Variants in SIM2 observed in about 807,000 individuals in gnomAD.
SIM2 encodes the protein SIM bHLH transcription factor 2, also known as single-minded homolog 2.
Under a neutral mutation model 64.8 loss-of-function variants are expected in SIM2, and 28 were observed. The ratio of observed to expected loss-of-function variants is 0.43; its 90% confidence interval spans 0.32 to 0.59. The LOEUF (loss-of-function observed/expected upper bound fraction) is 0.59. Ranked by LOEUF, SIM2 falls within the 20% of genes least tolerant of loss-of-function variation. The pLI is 0.07. For missense variants in SIM2, 847 were observed against 871.4 expected, an observed-to-expected ratio of 0.97 and a Z score of 0.35; for synonymous variants, 408 against 391.1, an observed-to-expected ratio of 1.04 and a Z score of -0.51.
chr21:36,743,768 A>G (rs1054270242), intron 9 of SIM2, among the ~76,000 whole-genome samples: 1 of 152,136 alleles, frequency 6.6e-6, no homozygotes, highest in African/African-American at 2.4e-5. Context: ...GAAACAGAAG[A>G]CTAAATTGGA....
chr21:36,743,294 C>G, intron 8 of SIM2, 93 bp from the exon 9 acceptor site: 1 of 1,052,236 alleles, frequency 9.5e-7, no homozygotes, highest in South Asian at 1.5e-5. Flanking sequence ...CACACTGGAG[C>G]ACTGAGAACG....
In SIM2 at chr21:36,747,898, C is replaced by G. The variant is rs1280305205; in HGVS notation, c.1810C>G (p.Arg604Gly). ...QLPFVLLNYH[R>G]VLARRGPLGG... ...GCCCTTCGTGCTGCTCAACTACCAC[C>G]GCGTGCTGGCCCGGCGCGGACCGCT... Residue 604 changes from arginine to glycine, a missense_variant, in exon 11 of 11, where the codon CGC (arginine) becomes GGC (glycine). By Grantham distance (125) the Arg-to-Gly change is moderately radical. Transcript: ENST00000290399. This position sits in a 1 kb window ranked among gnomAD's most constrained non-coding sequence, Gnocchi z 4.5. The G allele has an allele frequency of 6.5e-6, 7 of 1,071,928 alleles. No individual in the cohort carries two copies. Among genetic ancestry groups the G allele is most frequent in the Non-Finnish European group, 8.0e-6 (7 of 877,566 alleles). The allele number at this position is 1,071,928 out of a possible 1,614,324, so 66.4% of individuals were successfully genotyped here. A position where few individuals can be genotyped will look rare whatever the true frequency, so the allele number is the denominator to read the frequency against.
chr21:36,700,198 C>A (rs559343648), intron 1 of SIM2, among the ~76,000 whole-genome samples: 1 of 152,226 alleles, frequency 6.6e-6, no homozygotes, highest in African/African-American at 2.4e-5. Context: ...CCAGCCCGCA[C>A]GGCCAGCGAG....
chr21:36,718,321 AC>A (rs2088773220), intron 3 of SIM2, among the ~76,000 whole-genome samples: 1 of 152,176 alleles, frequency 6.6e-6, no homozygotes, highest in Non-Finnish European at 1.5e-5. Context: ...AACTCCCAGA[AC>A]TTCTCCATTA....
chr21:36,747,876 C>A lies in SIM2; in HGVS notation c.1788C>A (p.Pro596=), dbSNP rs995636470. Residue 596 remains proline, a synonymous_variant, in exon 11 of 11, where the codon CCC becomes CCA. Transcript: ENST00000290399. The surrounding 1 kb of genome is among the most constrained non-coding windows in gnomAD (Gnocchi z 4.5). ...PEAPGAPAQL[P]FVLLNYHRVL... is the part of the protein sequence containing the mutation. The stretch of plus-strand genomic sequence containing the variant: ...CCCCGGGCGCGCCGGCGCAGCTGCC[C>A]TTCGTGCTGCTCAACTACCACCGCG... 2.8e-6 allele frequency: 3 copies of A among 1,067,478 alleles called. No homozygotes were observed. Among genetic ancestry groups the A allele is most frequent in the South Asian group, 2.5e-5 (1 of 40,578 alleles). 66.1% of individuals were successfully genotyped at this position (1,067,478 alleles called of 1,614,324 possible).
chr21:36,738,090 A>G lies in SIM2; in HGVS notation c.851-3627A>G, dbSNP rs554325681. ...GCACTAGTCCTCTTGAAATCCGTGGATGGATCCTCAGTCTGAGCCTGCTGC... is the reference window on the plus strand; with the variant it reads ...GCACTAGTCCTCTTGAAATCCGTGGGTGGATCCTCAGTCTGAGCCTGCTGC... On this transcript the variant is annotated intron_variant, in intron 7 of 10. Transcript: ENST00000290399. Among the ~76,000 whole-genome samples the G allele has an allele frequency of 6.6e-5, 10 of 151,892 alleles. No homozygotes were observed. In the East Asian group the frequency reaches 1.9e-3, roughly 29 times the overall value.
rs764720358 is a variant in SIM2, at chr21:36,745,199, C to T, written c.1576+63C>T. ...GCGCACGGCCGGGAGCCGAAGCAGC[C>T]ATGGCGGTGGGTGGCAGATGGAGAC... On this transcript the variant is annotated intron_variant, in intron 10 of 10. Transcript: ENST00000290399. This position sits in a 1 kb window ranked among gnomAD's most constrained non-coding sequence, Gnocchi z 4.8. 6.5e-7 allele frequency: 1 copy of T among 1,540,914 alleles called. No homozygotes were observed. Among genetic ancestry groups the T allele is most frequent in the Non-Finnish European group, 8.8e-7 (1 of 1,142,806 alleles).
intron 1 of SIM2, among the ~76,000 whole-genome samples, chr21:36,702,075 G>A (rs1306208190): frequency 1.3e-5 from 2 of 152,206 alleles, no homozygotes; most frequent in Admixed American, 6.5e-5. Context: ...GTTAAAAGAT[G>A]CGAAGTGGTG....
chr21:36,744,309 G>GAAAAAAA (rs570743141), intron 9 of SIM2, among the ~76,000 whole-genome samples: 1 of 33,476 alleles, frequency 3.0e-5, no homozygotes. Flanking sequence ...TCCACATTAT[G>GAAAAAAA]ACAAAAAAAA....
chr21:36,738,368 G>A (rs1472608282), intron 7 of SIM2, among the ~76,000 whole-genome samples: 1 of 152,172 alleles, frequency 6.6e-6, no homozygotes, highest in East Asian at 1.9e-4. Context: ...AGCCGGGTGT[G>A]GTCGTGGGTG....
chr21:36,714,987 A>G (rs1361419298), intron 3 of SIM2, among the ~76,000 whole-genome samples: 2 of 152,334 alleles, frequency 1.3e-5, no homozygotes, highest in South Asian at 2.1e-4. Context: ...ATTTTCTAAG[A>G]AAGTTGTAGA....
chr21:36,736,274 A>G (rs1183660185), intron 7 of SIM2, among the ~76,000 whole-genome samples: 3 of 151,386 alleles, frequency 2.0e-5, no homozygotes, highest in Non-Finnish European at 4.4e-5. Flanking sequence ...CCAGGACCCG[A>G]GTGAGGTCAC....
Position 36,745,963 on chromosome 21 carries a change from A to G in SIM2, c.1576+827A>G. 8.2e-7 allele frequency: 1 copy of G among 1,226,536 alleles called. No homozygotes were observed. The highest frequency in any genetic ancestry group is 1.1e-6 in the Non-Finnish European group (1 of 948,444). The allele number at this position is 1,226,536 out of a possible 1,614,324, so 76.0% of individuals were successfully genotyped here. A position where few individuals can be genotyped will look rare whatever the true frequency, so the allele number is the denominator to read the frequency against. ...GACCTAACTGCCGCTCAGAGTGTAG[A>G]CCGAGATGGTGCAGATGCCTGCAGT... On this transcript the variant is annotated intron_variant, in intron 10 of 10. Transcript: ENST00000290399. This position sits in a 1 kb window ranked among gnomAD's most constrained non-coding sequence, Gnocchi z 4.8.
rs534127876 is a variant in SIM2, at chr21:36,703,398, G to A, written c.175+3477G>A. Among the ~76,000 whole-genome samples the A allele has an allele frequency of 5.3e-5, 8 of 152,234 alleles. No individual in the cohort carries two copies. The South Asian group carries it at 1.0e-3, about 20-fold the overall frequency. On this transcript the variant is annotated intron_variant, in intron 1 of 10. Transcript: ENST00000290399. ...AATGCACAGGGTTGCTGTGATGAAG[G>A]GTGAGGTCCCACAAGCAAAAGCTGT... is the stretch of plus-strand genomic sequence containing the variant.
In SIM2 at chr21:36,745,637, C is replaced by A. The variant is rs545236166; in HGVS notation, c.1576+501C>A. The A allele has an allele frequency of 4.4e-4, 509 of 1,147,274 alleles. 8 individuals carry two copies. In the South Asian group the frequency reaches 8.7e-3, roughly 20 times the overall value. The allele number at this position is 1,147,274 out of a possible 1,614,324, so 71.1% of individuals were successfully genotyped here. Reference sequence around the variant, plus strand: ...AGAAATGCCACTCACCAACCCAGGGCAAAGAACACAAACCCTCCAGGCCTC... The same window carrying A: ...AGAAATGCCACTCACCAACCCAGGGAAAAGAACACAAACCCTCCAGGCCTC... On this transcript the variant is annotated intron_variant, in intron 10 of 10. Coordinates refer to ENST00000290399, the MANE Select transcript of SIM2 (RefSeq NM_005069.6). This position sits in a 1 kb window ranked among gnomAD's most constrained non-coding sequence, Gnocchi z 4.8.
At chr21:36,701,071 T>A (rs115588821) in intron 1 of SIM2, among the ~76,000 whole-genome samples, 2,069 of 152,314 alleles carry the variant, frequency 0.014, 51 homozygotes, top group African/African-American at 0.047. Context: ...GCGGGGTCGC[T>A]GCGGCCTGGC....
chr21:36,702,903 G>T (rs2088523069), intron 1 of SIM2, among the ~76,000 whole-genome samples: 1 of 145,490 alleles, frequency 6.9e-6, no homozygotes. Context: ...GATTGCTGGG[G>T]TAAAGAATCT....
At chr21:36,722,902 G>A (rs917821654) in intron 4 of SIM2, 143 bp from the exon 5 acceptor site, 11 of 686,162 alleles carry the variant, frequency 1.6e-5, no homozygotes, top group African/African-American at 8.7e-5. Context: ...AGCCAAGGCC[G>A]AAGATCTCTG....
intron 5 of SIM2, among the ~76,000 whole-genome samples, chr21:36,723,367 G>C (rs893660990): frequency 6.6e-6 from 1 of 152,138 alleles, no homozygotes; most frequent in Non-Finnish European, 1.5e-5. Flanking sequence ...GTGGCTTAGG[G>C]CAGATTTTAT....
Sources: allele counts gnomAD v4.1 joint callset (sites outside exome capture counted in the v4.1 genomes callset), GRCh38; gene constraint gnomAD v4.1.1; non-coding constraint Gnocchi (gnomAD v3.1); transcripts MANE v1.5; gene names NCBI Gene and HGNC (gene_info 2026-07-23, HGNC 2026-07-21).